The following RAB3IP variants were observed in gnomAD, a reference collection of about 807,000 sequenced individuals.
The protein encoded by RAB3IP is rab-3A-interacting protein.
RAB3IP carries 36 observed loss-of-function variants against 59.1 expected under a neutral mutation model. The observed-to-expected ratio is 0.61, with a 90% CI of 0.47 to 0.80. The LOEUF is 0.80. Ranked by LOEUF, RAB3IP falls within the 30% of genes least tolerant of loss-of-function variation. The pLI, the probability that RAB3IP is intolerant of heterozygous loss-of-function variation, is 0.00. For synonymous variants in RAB3IP, 207 were observed against 191.2 expected, an observed-to-expected ratio of 1.08 and a Z score of -0.68; for missense variants, 511 against 536.0, an observed-to-expected ratio of 0.95 and a Z score of 0.46.
chr12:69,744,627 T>C (rs974325755), intron 1 of RAB3IP, among the ~76,000 whole-genome samples: 2 of 149,514 alleles, frequency 1.3e-5, no homozygotes, highest in African/African-American at 2.5e-5. Context: ...AGGAGACAGA[T>C]GTTGCAGTGA....
In RAB3IP at chr12:69,799,457, T is replaced by C. The variant is rs77022004; in HGVS notation, c.889-752T>C. Among the ~76,000 whole-genome samples, 932 of 151,438 alleles carry C rather than the reference T, an allele frequency of 6.2e-3. 10 individuals carry two copies. The highest frequency in any genetic ancestry group is 0.051 in the East Asian group (263 of 5,142). ...ACTTGGGGAAAATTTATTAGGGAGGTGAGAAAGAGAGGGATAGCTGGAGGA... is the reference window on the plus strand; with the variant it reads ...ACTTGGGGAAAATTTATTAGGGAGGCGAGAAAGAGAGGGATAGCTGGAGGA... On this transcript the variant is annotated intron_variant, in intron 6 of 10. Coordinates refer to ENST00000247833, the MANE Select transcript of RAB3IP (RefSeq NM_022456.5).
chr12:69,790,976 T>C (rs1876511263), intron 4 of RAB3IP, among the ~76,000 whole-genome samples: 2 of 152,204 alleles, frequency 1.3e-5, no homozygotes, highest in Middle Eastern at 3.4e-3. Flanking sequence ...AAAAACAGTA[T>C]GGCACTGATA....
At chr12:69,768,060 C>G (rs1872513092) in intron 3 of RAB3IP, among the ~76,000 whole-genome samples, 1 of 152,088 alleles carries the variant, frequency 6.6e-6, no homozygotes, top group South Asian at 2.1e-4. Context: ...TGGAGCAGCT[C>G]AAGCTTCTGA....
At chr12:69,803,043 T>C (rs1030004791) in intron 8 of RAB3IP, among the ~76,000 whole-genome samples, 4 of 152,232 alleles carry the variant, frequency 2.6e-5, no homozygotes, top group Non-Finnish European at 5.9e-5. Flanking sequence ...AAGGTCTGTG[T>C]CATGCCTCAT....
intron 3 of RAB3IP, among the ~76,000 whole-genome samples, chr12:69,766,316 A>G (rs1872186771): frequency 6.6e-6 from 1 of 152,052 alleles, no homozygotes; most frequent in South Asian, 2.1e-4. Flanking sequence ...TCTTTTATGT[A>G]ATCCCATATT....
Position 69,812,971 on chromosome 12 carries a change from CTGTA to C in RAB3IP, c.1243_1246del (p.Cys415ThrfsTer14). The C allele has an allele frequency of 1.2e-6, 2 of 1,613,256 alleles. No homozygotes were observed. The highest frequency in any genetic ancestry group is 1.7e-6 in the Non-Finnish European group (2 of 1,179,246). ...TTTCTCCATTTGGCCTAGATCACTT[CTGTA>C]TGTAACTTTTTTACATACATTCGAT... On this transcript the variant is annotated frameshift_variant, in exon 10 of 11. Transcript: ENST00000247833. LOFTEE classifies it high-confidence loss of function.
At chr12:69,768,504 GGGGCTGCTCAGGCTGCT>G (rs1706368857) in intron 3 of RAB3IP, among the ~76,000 whole-genome samples, 1 of 152,154 alleles carries the variant, frequency 6.6e-6, no homozygotes, top group African/African-American at 2.4e-5. Flanking sequence ...CAGGAAAGGT[GGGGCTGCTCAGGCTGCT>G]GGGCCAGGCA....
chr12:69,785,584 G>A (rs1875510314), intron 4 of RAB3IP, among the ~76,000 whole-genome samples: 1 of 152,068 alleles, frequency 6.6e-6, no homozygotes, highest in Non-Finnish European at 1.5e-5. Context: ...GAGTCTGAAG[G>A]CAGAAAAAAA....
chr12:69,741,542 T>C (rs1050312622), intron 1 of RAB3IP, among the ~76,000 whole-genome samples: 1 of 152,244 alleles, frequency 6.6e-6, no homozygotes, highest in Admixed American at 6.5e-5. Flanking sequence ...CCAGCATTGC[T>C]ACTACAGTTA....
At chr12:69,746,496 A>G (rs542377229) in intron 1 of RAB3IP, among the ~76,000 whole-genome samples, 1 of 152,118 alleles carries the variant, frequency 6.6e-6, no homozygotes, top group African/African-American at 2.4e-5. Flanking sequence ...TTCCCTCCCC[A>G]CAACCCTCAG....
chr12:69,758,544 A>G (rs1870596441), intron 3 of RAB3IP, among the ~76,000 whole-genome samples: 1 of 152,168 alleles, frequency 6.6e-6, no homozygotes, highest in Non-Finnish European at 1.5e-5. Context: ...CTGGTGTACA[A>G]ACCTTACAAA....
At chr12:69,784,645 A>G (rs978275681) in intron 3 of RAB3IP, 75 bp from the exon 4 acceptor site, 25 of 625,956 alleles carry the variant, frequency 4.0e-5, no homozygotes, top group African/African-American at 3.1e-4. Flanking sequence ...TAATTTTATT[A>G]GTAAAGATTA....
At chr12:69,750,865 T>C (rs1869167542) in intron 1 of RAB3IP, among the ~76,000 whole-genome samples, 1 of 152,158 alleles carries the variant, frequency 6.6e-6, no homozygotes, top group Non-Finnish European at 1.5e-5. Flanking sequence ...GTACTGTCAT[T>C]CTGATTGATT....
In RAB3IP at chr12:69,816,529, C is replaced by CCTT. The variant is rs1418868425; in HGVS notation, c.*1084_*1085insTTC. The CCTT allele has an allele frequency of 6.6e-6, 1 of 151,932 alleles. No individual in the cohort carries two copies. The highest frequency in any genetic ancestry group is 1.5e-5 in the Non-Finnish European group (1 of 67,998). 9.4% of individuals were successfully genotyped at this position (151,932 alleles called of 1,614,324 possible). A position where few individuals can be genotyped will look rare whatever the true frequency, so the allele number is the denominator to read the frequency against. ...CTTGGGTAAACCTACACATCCTAAT[C>CCTT]CCTGTTTATAGAATTTTAACATAAT... On this transcript the variant is annotated 3_prime_UTR_variant, in exon 11 of 11. Transcript: ENST00000247833.
chr12:69,739,959 G>A, intron 1 of RAB3IP: 1 of 1,293,320 alleles, frequency 7.7e-7, no homozygotes, highest in South Asian at 1.2e-5. Context: ...CTGTTCGGAG[G>A]CTACCTGTTA....
rs112039511 is a variant in RAB3IP at position 69,800,019 on chromosome 12, G to C, written c.889-190G>C. On this transcript the variant is annotated intron_variant, in intron 6 of 10. Transcript: ENST00000247833. ...CTGCTACCAGGTATTATGCTACCAG[G>C]TATTATTTGAGAGTATTTTTTAAAA... Among the ~76,000 whole-genome samples, 241 of 89,544 alleles carry C rather than the reference G, an allele frequency of 2.7e-3. 1 individual carries two copies. The highest frequency in any genetic ancestry group is 8.9e-3 in the African/African-American group (235 of 26,504). 58.7% of individuals were successfully genotyped at this position (89,544 alleles called of 152,430 possible).
chr12:69,793,234 A>G (rs1481258683), intron 4 of RAB3IP, among the ~76,000 whole-genome samples: 4 of 152,224 alleles, frequency 2.6e-5, no homozygotes, highest in Non-Finnish European at 5.9e-5. Context: ...GCTATAAATC[A>G]TTGATAGTAA....
rs564307547 is a variant in RAB3IP, at chr12:69,791,394, C to T, written c.607-3043C>T. 5.9e-5 allele frequency among the ~76,000 whole-genome samples: 9 copies of T among 152,134 alleles called. No individual in the cohort carries two copies. In the East Asian group the frequency reaches 9.7e-4, roughly 16 times the overall value. Reference sequence around the variant, plus strand: ...AAAAACAGTCAACAAAATGAAGAAGCGGCATACTGAATGGGAAAACATTTG... The same window carrying T: ...AAAAACAGTCAACAAAATGAAGAAGTGGCATACTGAATGGGAAAACATTTG... On this transcript the variant is annotated intron_variant, in intron 4 of 10. Coordinates refer to ENST00000247833, the MANE Select transcript of RAB3IP (RefSeq NM_022456.5).
intron 1 of RAB3IP, among the ~76,000 whole-genome samples, chr12:69,753,323 T>G (rs1010377685): frequency 6.6e-6 from 1 of 152,198 alleles, no homozygotes; most frequent in Non-Finnish European, 1.5e-5. Context: ...CTGTATCTTA[T>G]GGAAGAAATG....
Sources: gnomAD v4.1 joint callset for allele counts (sites outside exome capture counted in the v4.1 genomes callset) on GRCh38, gnomAD v4.1.1 for gene constraint, MANE v1.5 for transcripts, NCBI Gene and HGNC (gene_info 2026-07-23, HGNC 2026-07-21) for gene names.